Variants in SPATA16 observed in about 807,000 individuals in gnomAD.
SPATA16 encodes the protein spermatogenesis-associated protein 16.
In SPATA16, 36 loss-of-function variants were observed where a neutral mutation model predicts 63.3. That is an observed-to-expected ratio of 0.57 (90% CI 0.44 to 0.75). SPATA16 has a LOEUF of 0.75. Among genes scored for constraint, SPATA16 ranks in the 30% least tolerant of loss-of-function variants. The pLI, the probability that SPATA16 is intolerant of heterozygous loss-of-function variation, is 0.00. For missense variants in SPATA16, 646 were observed against 679.3 expected (o/e 0.95, Z 0.54); for synonymous variants, 203 against 216.7 (o/e 0.94, Z 0.56).
intron 3 of SPATA16, among the ~76,000 whole-genome samples, chr3:173,023,262 G>A (rs189071731): frequency 1.3e-5 from 2 of 151,310 alleles, no homozygotes; most frequent in African/African-American, 4.8e-5. Flanking sequence ...CAATTCGCTT[G>A]ATAAATAATC....
rs377682639 is a variant in SPATA16 at position 172,973,882 on chromosome 3, GATGTCGGGTTGCAGAGGCA to G, written c.933+3067_933+3085del. Among the ~76,000 whole-genome samples, 550 of 152,244 alleles carry G rather than the reference GATGTCGGGTTGCAGAGGCA, an allele frequency of 3.6e-3. 3 individuals carry two copies. Among genetic ancestry groups the G allele is most frequent in the African/African-American group, 0.013 (537 of 41,544 alleles). On this transcript the variant is annotated intron_variant, in intron 5 of 10. Coordinates refer to ENST00000351008, the MANE Select transcript of SPATA16 (RefSeq NM_031955.6). ...GAGAATGGCTGATTACAGATGCCTGGATGTCGGGTTGCAGAGGCATTGTGTGCAAGTACAGTCATGACAA... is the reference window on the plus strand; with the variant it reads ...GAGAATGGCTGATTACAGATGCCTGGTTGTGTGCAAGTACAGTCATGACAA...
At chr3:172,942,611 G>T (rs9823147) in intron 6 of SPATA16, among the ~76,000 whole-genome samples, 13,334 of 151,964 alleles carry the variant, frequency 0.088, 1,951 homozygotes, top group African/African-American at 0.3. Context: ...AACATCTTTT[G>T]TTTCCTATTT....
chr3:172,987,421 CA>C (rs1214509896), intron 4 of SPATA16, among the ~76,000 whole-genome samples: 1 of 152,180 alleles, frequency 6.6e-6, no homozygotes, highest in Non-Finnish European at 1.5e-5. Flanking sequence ...TATCCCGGGT[CA>C]CTCTCCCATG....
At chr3:173,068,838 T>C (rs6809438) in intron 2 of SPATA16, among the ~76,000 whole-genome samples, 26,846 of 145,568 alleles carry the variant, frequency 0.18, 2,811 homozygotes, top group African/African-American at 0.29. Flanking sequence ...AGGCCGGGCG[T>C]GGTGGCTCAC....
At chr3:172,951,837 G>A (rs921277173) in intron 6 of SPATA16, among the ~76,000 whole-genome samples, 3 of 152,176 alleles carry the variant, frequency 2.0e-5, no homozygotes, top group African/African-American at 7.2e-5. Context: ...AAATATGCTA[G>A]TCTCCAAGTT....
intron 9 of SPATA16, among the ~76,000 whole-genome samples, chr3:172,915,085 T>C (rs1732449758): frequency 6.6e-6 from 1 of 152,152 alleles, no homozygotes; most frequent in Non-Finnish European, 1.5e-5. Context: ...CTTTGAAAGC[T>C]CCATACTTAC....
intron 4 of SPATA16, among the ~76,000 whole-genome samples, chr3:173,017,163 T>C (rs1735209364): frequency 6.6e-6 from 1 of 152,218 alleles, no homozygotes; most frequent in African/African-American, 2.4e-5. Flanking sequence ...TTGAAGGCTA[T>C]AATTGCTAAA....
At chr3:173,026,621 A>G (rs994617094) in intron 3 of SPATA16, among the ~76,000 whole-genome samples, 1 of 151,936 alleles carries the variant, frequency 6.6e-6, no homozygotes, top group African/African-American at 2.4e-5. Flanking sequence ...GTAAAGATAA[A>G]GACATTTTAT....
rs1351310048 is a variant in SPATA16, at chr3:172,993,079, G to A, written c.849-16027C>T. Among the ~76,000 whole-genome samples the A allele has an allele frequency of 9.2e-5, 14 of 152,176 alleles. No homozygotes were observed. In the East Asian group the frequency reaches 2.7e-3, roughly 29 times the overall value. On this transcript the variant is annotated intron_variant, in intron 4 of 10. Transcript: ENST00000351008. ...ATTCTCTTATCCCCCAGTGGTTGGG[G>A]CTTATCCCCAGTTCCTTGGCGAGGG...
chr3:172,982,974 T>C lies in SPATA16; in HGVS notation c.849-5922A>G, dbSNP rs943369768. ...GCACACAATCAGCTGTGTGGTCTCATTGGGCTGACTGGCTGAGACCTTGAA... is the reference window on the plus strand; with the variant it reads ...GCACACAATCAGCTGTGTGGTCTCACTGGGCTGACTGGCTGAGACCTTGAA... On this transcript the variant is annotated intron_variant, in intron 4 of 10. Coordinates refer to ENST00000351008, the MANE Select transcript of SPATA16 (RefSeq NM_031955.6). 8.5e-5 allele frequency among the ~76,000 whole-genome samples: 13 copies of C among 152,208 alleles called. No homozygotes were observed. In the South Asian group the frequency reaches 1.0e-3, roughly 12 times the overall value.
intron 8 of SPATA16, among the ~76,000 whole-genome samples, chr3:172,919,491 G>A (rs192900713): frequency 1.3e-5 from 2 of 152,050 alleles, no homozygotes; most frequent in Admixed American, 6.6e-5. Context: ...AGGAAACCAG[G>A]GTCAGAAGTG....
chr3:172,930,815 G>C (rs1732854834), intron 6 of SPATA16, among the ~76,000 whole-genome samples: 1 of 151,632 alleles, frequency 6.6e-6, no homozygotes, highest in Admixed American at 6.6e-5. Flanking sequence ...GCCTCCCAAA[G>C]TGGTGAGATT....
intron 3 of SPATA16, among the ~76,000 whole-genome samples, chr3:173,024,681 C>T (rs1735411543): frequency 6.6e-6 from 1 of 150,614 alleles, no homozygotes; most frequent in African/African-American, 2.4e-5. Context: ...AAATCGTATA[C>T]TAAAATTAAG....
At chr3:173,100,757 G>A (rs1026836808) in intron 2 of SPATA16, among the ~76,000 whole-genome samples, 7 of 148,996 alleles carry the variant, frequency 4.7e-5, no homozygotes, top group Admixed American at 1.3e-4. Flanking sequence ...AAAAACACAA[G>A]GTAAATAAGG....
intron 2 of SPATA16, among the ~76,000 whole-genome samples, chr3:173,063,142 TATATCC>T (rs1224701212): frequency 1.3e-5 from 2 of 152,254 alleles, no homozygotes; most frequent in Non-Finnish European, 2.9e-5. Context: ...CATCTATATC[TATATCC>T]ATGTCATCTA....
At chr3:173,087,095 G>A (rs1277168540) in intron 2 of SPATA16, among the ~76,000 whole-genome samples, 4 of 152,004 alleles carry the variant, frequency 2.6e-5, no homozygotes, top group Non-Finnish European at 5.9e-5. Flanking sequence ...TTAATTTTCT[G>A]TCTTGATGAT....
intron 4 of SPATA16, among the ~76,000 whole-genome samples, chr3:172,990,648 G>A (rs1734554903): frequency 6.6e-6 from 1 of 152,112 alleles, no homozygotes; most frequent in South Asian, 2.1e-4. Context: ...CTGATGATGG[G>A]TCACATGAGA....
intron 4 of SPATA16, among the ~76,000 whole-genome samples, chr3:173,018,294 G>A: frequency 7.0e-6 from 1 of 142,642 alleles, no homozygotes; most frequent in African/African-American, 2.6e-5. Context: ...TTTTTTTTGA[G>A]ATGGAGTTTC....
chr3:172,923,349 T>C (rs1732657754), intron 8 of SPATA16, among the ~76,000 whole-genome samples: 1 of 152,214 alleles, frequency 6.6e-6, no homozygotes, highest in African/African-American at 2.4e-5. Context: ...ATTAGGTGTT[T>C]TTTAGCTTTT....
Sources: allele counts gnomAD v4.1 joint callset (sites outside exome capture counted in the v4.1 genomes callset), GRCh38; gene constraint gnomAD v4.1.1; transcripts MANE v1.5; gene names NCBI Gene and HGNC (gene_info 2026-07-23, HGNC 2026-07-21).